SUGCT: variants seen among roughly 807,000 people sequenced by gnomAD.
SUGCT encodes the protein succinyl-CoA:glutarate CoA-transferase.
Under a neutral mutation model 55.0 loss-of-function variants are expected in SUGCT, and 41 were observed. The ratio of observed to expected loss-of-function variants is 0.74; its 90% CI spans 0.58 to 0.97. The LOEUF (loss-of-function observed/expected upper bound fraction) is 0.97, where lower values mean the gene tolerates loss of function less well. Among genes scored for constraint, SUGCT ranks in the 50% least tolerant of loss-of-function variants. The pLI, the probability that SUGCT is intolerant of heterozygous loss-of-function variation, is 0.00. For missense variants in SUGCT, 568 were observed against 547.8 expected (o/e 1.04, Z -0.37); for synonymous variants, 187 against 200.4 (o/e 0.93, Z 0.56).
the SUGCT span, among the ~76,000 whole-genome samples, chr7:40,937,751 A>AT: frequency 1.3e-5 from 2 of 152,030 alleles, no homozygotes; most frequent in South Asian, 2.1e-4. Context: ...GATAGTATAT[A>AT]TTTTTTTCCA....
At chr7:40,613,394 G>T (rs1180477744) in intron 12 of SUGCT, among the ~76,000 whole-genome samples, 1 of 152,176 alleles carries the variant, frequency 6.6e-6, no homozygotes, top group South Asian at 2.1e-4. Flanking sequence ...CTCTGATTAT[G>T]TGTGGAGTTA....
the SUGCT span, among the ~76,000 whole-genome samples, chr7:41,009,229 AAC>A: frequency 6.7e-6 from 1 of 148,640 alleles, no homozygotes; most frequent in African/African-American, 2.5e-5. Context: ...AAAAAAAAGC[AAC>A]TTATATGTTA....
At chr7:40,274,073 C>CTTTTTTTTTTTTTTTTTT (rs386409972) in intron 7 of SUGCT, among the ~76,000 whole-genome samples, 3 of 68,002 alleles carry the variant, frequency 4.4e-5, no homozygotes, top group Non-Finnish European at 7.6e-5. Context: ...TTTTTACCTT[C>CTTTTTTTTTTTTTTTTTT]TTTTTTTTTT....
chr7:40,514,744 T>A (rs928256236), intron 12 of SUGCT, among the ~76,000 whole-genome samples: 4 of 137,130 alleles, frequency 2.9e-5, no homozygotes, highest in African/African-American at 1.1e-4. Flanking sequence ...AAAGGCAAGC[T>A]ATGTATTTGC....
At chr7:40,744,007 C>T (rs930596081) in intron 12 of SUGCT, among the ~76,000 whole-genome samples, 1 of 152,048 alleles carries the variant, frequency 6.6e-6, no homozygotes, top group Non-Finnish European at 1.5e-5. Context: ...CTGCAACCTC[C>T]GTCTCCTGGG....
At chr7:40,598,562 C>A (rs1798139157) in intron 12 of SUGCT, among the ~76,000 whole-genome samples, 2 of 152,118 alleles carry the variant, frequency 1.3e-5, no homozygotes, top group South Asian at 4.1e-4. Context: ...AGGGTCACTG[C>A]AAGAAGAGGG....
chr7:40,152,680 T>A, intron 1 of SUGCT: 1 of 175,054 alleles, frequency 5.7e-6, no homozygotes, highest in Non-Finnish European at 1.4e-5. Context: ...GTCAAACACT[T>A]TAATTTTATG....
intron 9 of SUGCT, among the ~76,000 whole-genome samples, chr7:40,333,775 T>G (rs1796497029): frequency 4.1e-5 from 6 of 147,376 alleles, no homozygotes; most frequent in Non-Finnish European, 7.4e-5. Context: ...TTTTTAAATT[T>G]AAGTTCTAGG....
chr7:40,314,903 A>G (rs1309927669), intron 8 of SUGCT, among the ~76,000 whole-genome samples: 2 of 152,072 alleles, frequency 1.3e-5, no homozygotes, highest in African/African-American at 4.8e-5. Flanking sequence ...AAGAGGAATA[A>G]TAGAGCCCGA....
At chr7:40,191,975 G>A (rs924106204) in intron 5 of SUGCT, among the ~76,000 whole-genome samples, 3 of 152,042 alleles carry the variant, frequency 2.0e-5, no homozygotes, top group Non-Finnish European at 4.4e-5. Context: ...GGGCGTGTTG[G>A]TGCGTGCCTG....
chr7:40,510,630 CA>C (rs1792874201), intron 12 of SUGCT, among the ~76,000 whole-genome samples: 1 of 152,108 alleles, frequency 6.6e-6, no homozygotes, highest in African/African-American at 2.4e-5. Context: ...AGGAACATGA[CA>C]GAAGTACAAA....
At chr7:40,225,264 G>A (rs1489590710) in intron 6 of SUGCT, among the ~76,000 whole-genome samples, 2 of 151,942 alleles carry the variant, frequency 1.3e-5, no homozygotes, top group East Asian at 3.9e-4. Context: ...TTTACCTTTG[G>A]TGACTAGGGA....
intron 11 of SUGCT, among the ~76,000 whole-genome samples, chr7:40,459,565 G>A (rs1789682017): frequency 6.6e-6 from 1 of 152,062 alleles, no homozygotes; most frequent in Non-Finnish European, 1.5e-5. Context: ...TTTGTTAAAT[G>A]CTTTAGATAC....
At chr7:40,384,959 C>A (rs532160476) in intron 9 of SUGCT, among the ~76,000 whole-genome samples, 1 of 152,098 alleles carries the variant, frequency 6.6e-6, no homozygotes, top group South Asian at 2.1e-4. Context: ...TCCTCAAGGG[C>A]CTTTTCTTGT....
chr7:40,703,972 T>G (rs1327493053), intron 12 of SUGCT, among the ~76,000 whole-genome samples: 1 of 152,250 alleles, frequency 6.6e-6, no homozygotes, highest in Non-Finnish European at 1.5e-5. Context: ...GCAGCTGACC[T>G]GACCGGAGGA....
intron 8 of SUGCT, among the ~76,000 whole-genome samples, chr7:40,305,011 C>G (rs1005341412): frequency 6.6e-6 from 1 of 152,150 alleles, no homozygotes; most frequent in African/African-American, 2.4e-5. Context: ...CAATTTTAGC[C>G]CCACAGGGTC....
chr7:41,015,910 G>C, the SUGCT span, among the ~76,000 whole-genome samples: 2 of 152,032 alleles, frequency 1.3e-5, no homozygotes, highest in African/African-American at 2.4e-5. Flanking sequence ...ATGTGTGTGT[G>C]GAAGTAGGAG....
chr7:40,575,400 G>C (rs989506945), intron 12 of SUGCT, among the ~76,000 whole-genome samples: 1 of 151,984 alleles, frequency 6.6e-6, no homozygotes, highest in Non-Finnish European at 1.5e-5. Context: ...CCAGGATAGT[G>C]ACGTAGGGAT....
At chr7:40,884,021 G>A in the SUGCT span, among the ~76,000 whole-genome samples, 4 of 152,030 alleles carry the variant, frequency 2.6e-5, no homozygotes, top group African/African-American at 4.8e-5. Flanking sequence ...AAATCAGGCT[G>A]AACTTTCACA....
Sources: gnomAD v4.1 joint callset for allele counts (sites outside exome capture counted in the v4.1 genomes callset) on GRCh38, gnomAD v4.1.1 for gene constraint, MANE v1.5 for transcripts, NCBI Gene and HGNC (gene_info 2026-07-23, HGNC 2026-07-21) for gene names.